PSME4: variants seen among roughly 807,000 people sequenced by gnomAD.
PSME4 encodes the protein proteasome activator complex subunit 4.
PSME4 carries 89 observed loss-of-function variants against 253.9 expected under a neutral mutation model. That is an observed-to-expected ratio of 0.35 (90% confidence interval 0.30 to 0.42). The LOEUF (loss-of-function observed/expected upper bound fraction) is 0.42, where lower values mean the gene tolerates loss of function less well. Among genes scored for constraint, PSME4 ranks in the 10% least tolerant of loss-of-function variants. PSME4 has a pLI of 1.00. For synonymous variants in PSME4, 851 were observed against 759.2 expected (o/e 1.12, Z -1.99); for missense variants, 2,014 against 2,195.2 (o/e 0.92, Z 1.65).
At chr2:53,889,507 AG>A (rs1679800729) in intron 37 of PSME4, among the ~76,000 whole-genome samples, 1 of 152,180 alleles carries the variant, frequency 6.6e-6, no homozygotes, top group Middle Eastern at 3.4e-3. Flanking sequence ...CCATCTCCTC[AG>A]GTTGGCTGAA....
intron 20 of PSME4, among the ~76,000 whole-genome samples, chr2:53,914,719 A>G (rs1420773790): frequency 6.6e-6 from 1 of 152,046 alleles, no homozygotes; most frequent in Admixed American, 6.5e-5. Context: ...TGTCTCTACT[A>G]AAAATACAAA....
chr2:53,895,425 T>C (rs1680096119), intron 33 of PSME4, among the ~76,000 whole-genome samples, 158 bp downstream of exon 33: 1 of 152,124 alleles, frequency 6.6e-6, no homozygotes. Flanking sequence ...GAGGCAGGAA[T>C]GAGGCATAGC....
At chr2:53,923,171 G>C (rs1220453582) in intron 15 of PSME4, 53 bp from the exon 16 acceptor site, 5 of 1,515,744 alleles carry the variant, frequency 3.3e-6, no homozygotes, top group African/African-American at 2.8e-5. Flanking sequence ...ATATATACAA[G>C]ATTATATTTT....
In PSME4 at chr2:53,931,850, G is replaced by A. The variant is rs759946150; in HGVS notation, c.1301C>T (p.Pro434Leu). The A allele has an allele frequency of 2.4e-5, 38 of 1,614,014 alleles. No individual in the cohort carries two copies. Among genetic ancestry groups the A allele is most frequent in the Non-Finnish European group, 3.1e-5 (37 of 1,180,028 alleles). Reference protein sequence around the residue: ...LALMRPELVIPPVLERTYPAL... With the variant: ...LALMRPELVILPVLERTYPAL... ...AACCACTTACCTTTCAAGTACAGGG[G>A]GTATTACCAATTCAGGTCTCATGAG... The change falls in exon 10 of 47, where the codon CCC becomes CTC. Residue 434 changes from proline to leucine, a missense_variant. By Grantham distance (98) the Pro-to-Leu change is moderately conservative. Transcript: ENST00000404125.
intron 37 of PSME4, among the ~76,000 whole-genome samples, chr2:53,889,314 C>A (rs1006656075): frequency 6.6e-6 from 1 of 152,124 alleles, no homozygotes; most frequent in Admixed American, 6.6e-5. Flanking sequence ...TTACATATAA[C>A]CTATGCACAT....
intron 41 of PSME4, among the ~76,000 whole-genome samples, chr2:53,883,587 G>C (rs1459454539): frequency 1.3e-5 from 2 of 152,104 alleles, no homozygotes; most frequent in Non-Finnish European, 2.9e-5. Context: ...AGGTAATGTG[G>C]GTTTTAAACT....
rs1215829743 is a variant in PSME4, at chr2:53,864,343, C to T, written c.*1235G>A. 2.0e-5 allele frequency: 3 copies of T among 152,262 alleles called. No homozygotes were observed. Among genetic ancestry groups the T allele is most frequent in the African/African-American group, 7.3e-5 (3 of 41,316 alleles). The allele number at this position is 152,262 out of a possible 1,614,324, so 9.4% of individuals were successfully genotyped here. ...CAGAAGATACCTTTCACTCTATAAA[C>T]TTGTCATAGGCAAACATGTGGTGTT... On this transcript the variant is annotated 3_prime_UTR_variant, in exon 47 of 47. Coordinates refer to ENST00000404125, the MANE Select transcript of PSME4 (RefSeq NM_014614.3).
intron 24 of PSME4, chr2:53,907,947 G>C (rs1239032438): frequency 5.9e-6 from 1 of 169,080 alleles, no homozygotes; most frequent in African/African-American, 2.4e-5. Flanking sequence ...TTCTGCAGCT[G>C]AATATAATAC....
intron 10 of PSME4, among the ~76,000 whole-genome samples, chr2:53,931,195 T>C (rs573866321): frequency 4.3e-4 from 65 of 152,240 alleles, no homozygotes; most frequent in East Asian, 1.9e-3. Context: ...GGGGAATCCT[T>C]GAACCAGGAA....
At chr2:53,920,383 A>T (rs756813359) in intron 18 of PSME4, 33 bp from the exon 19 acceptor site, 1 of 1,535,532 alleles carries the variant, frequency 6.5e-7, no homozygotes, top group East Asian at 2.3e-5. Context: ...CAGCAAGTTG[A>T]GAAATTAAAA....
At chr2:53,898,891 A>T (rs1263019978) in intron 29 of PSME4, among the ~76,000 whole-genome samples, 1 of 152,132 alleles carries the variant, frequency 6.6e-6, no homozygotes, top group East Asian at 1.9e-4. Flanking sequence ...ACCAAATTTG[A>T]CCAATAAGTT....
At chr2:53,937,882 A>C (rs1457931818) in intron 4 of PSME4, among the ~76,000 whole-genome samples, 1 of 151,966 alleles carries the variant, frequency 6.6e-6, no homozygotes, top group East Asian at 1.9e-4. Flanking sequence ...AGTCCCAGCT[A>C]CTCAGAAAGC....
intron 1 of PSME4, among the ~76,000 whole-genome samples, chr2:53,959,260 G>A (rs1269524193): frequency 6.6e-6 from 1 of 152,018 alleles, no homozygotes; most frequent in African/African-American, 2.4e-5. Context: ...AGCTATTTGG[G>A]AGGCTGAGGC....
chr2:53,905,678 C>T (rs1435944382), intron 26 of PSME4, among the ~76,000 whole-genome samples: 7 of 152,102 alleles, frequency 4.6e-5, no homozygotes, highest in South Asian at 4.2e-4. Flanking sequence ...TGGTGATGTA[C>T]GCCTATAATC....
At chr2:53,877,223 T>C (rs1402154014) in intron 41 of PSME4, among the ~76,000 whole-genome samples, 2 of 114,204 alleles carry the variant, frequency 1.8e-5, no homozygotes, top group African/African-American at 7.0e-5. Flanking sequence ...CTGGCATGGA[T>C]AACAGAGCAA....
At position 53,940,952 on chromosome 2, in the gene PSME4, C is replaced by CATATTTATATATAT. The variant is rs61078234; in HGVS notation, c.501-953_501-952insATATATATAAATAT. On this transcript the variant is annotated intron_variant, in intron 3 of 46. Coordinates refer to ENST00000404125, the MANE Select transcript of PSME4 (RefSeq NM_014614.3). ...TAATACATATATAAATATATATATACATATATATATATATATATATATATA... is the reference window on the plus strand; with the variant it reads ...TAATACATATATAAATATATATATACATATTTATATATATATATATATATATATATATATATATA... 1.5e-3 allele frequency among the ~76,000 whole-genome samples: 36 copies of CATATTTATATATAT among 24,024 alleles called. 9 individuals carry two copies. Among genetic ancestry groups the CATATTTATATATAT allele is most frequent in the Non-Finnish European group, 1.6e-3 (22 of 13,816 alleles). 15.8% of individuals were successfully genotyped at this position (24,024 alleles called of 152,430 possible).
At chr2:53,940,948 T>TATATATA (rs1232215835) in intron 3 of PSME4, among the ~76,000 whole-genome samples, 1 of 18,528 alleles carries the variant, frequency 5.4e-5, no homozygotes, top group Non-Finnish European at 1.0e-4. Context: ...TAAATATATA[T>TATATATA]ATACATATAT....
At chr2:53,916,493 T>C (rs805324) in intron 20 of PSME4, among the ~76,000 whole-genome samples, 16,988 of 152,198 alleles carry the variant, frequency 0.11, 1,214 homozygotes, top group South Asian at 0.2. Context: ...TAATTCTCTT[T>C]CTCTACTAGT....
intron 10 of PSME4, 101 bp from the exon 11 acceptor site, chr2:53,928,404 AG>A: frequency 1.0e-6 from 1 of 959,758 alleles, no homozygotes; most frequent in Non-Finnish European, 1.5e-6. Context: ...TTTGACTTAA[AG>A]GCTTACAGTT....
Sources: gnomAD v4.1 joint callset for allele counts (sites outside exome capture counted in the v4.1 genomes callset) on GRCh38, gnomAD v4.1.1 for gene constraint, MANE v1.5 for transcripts, NCBI Gene and HGNC (gene_info 2026-07-23, HGNC 2026-07-21) for gene names.